NHSL1: variants seen among roughly 807,000 people sequenced by gnomAD.
The protein encoded by NHSL1 is NHS like 1, also known as NHS-like protein 1.
NHSL1 carries 48 observed loss-of-function variants against 95.0 expected under a neutral mutation model. That is an observed-to-expected ratio of 0.51 (90% CI 0.40 to 0.64). NHSL1 has a LOEUF of 0.64. Among genes scored for constraint, NHSL1 ranks in the 30% least tolerant of loss-of-function variants. The probability of loss-of-function intolerance (pLI) is 0.00; values close to 1 mark genes in which losing one functional copy is unlikely to be tolerated. For synonymous variants in NHSL1, 783 were observed against 833.9 expected, an observed-to-expected ratio of 0.94 and a Z score of 1.05; for missense variants, 1,971 against 2,077.7, an observed-to-expected ratio of 0.95 and a Z score of 1.00.
intron 1 of NHSL1, among the ~76,000 whole-genome samples, chr6:138,523,393 T>A (rs1015606644): frequency 5.3e-5 from 8 of 152,072 alleles, no homozygotes; most frequent in Non-Finnish European, 1.0e-4. Context: ...CACTATAGCC[T>A]CGAACTCCTG....
At chr6:138,571,707 C>T in intron 1 of NHSL1, 1 of 1,549,234 alleles carries the variant, frequency 6.5e-7, no homozygotes, top group Non-Finnish European at 8.7e-7. Flanking sequence ...AAAATCGAGT[C>T]ACCTTTTCTG....
At chr6:138,603,632 T>C (rs992289464) in intron 1 of NHSL1, among the ~76,000 whole-genome samples, 5 of 152,214 alleles carry the variant, frequency 3.3e-5, no homozygotes, top group Admixed American at 6.5e-5. Context: ...AAATTACCAC[T>C]ATAAATTATT....
intron 3 of NHSL1, chr6:138,464,235 T>C (rs1238712164): frequency 1.2e-5 from 10 of 826,120 alleles, no homozygotes; most frequent in Non-Finnish European, 1.7e-5. Flanking sequence ...AGCTTGGCCA[T>C]CACGGCCGGC....
At chr6:138,652,846 C>A (rs1323131862) in intron 1 of NHSL1, among the ~76,000 whole-genome samples, 1 of 152,160 alleles carries the variant, frequency 6.6e-6, no homozygotes, top group Non-Finnish European at 1.5e-5. Flanking sequence ...GCAGAATGTT[C>A]CATCACTTTT....
intron 1 of NHSL1, among the ~76,000 whole-genome samples, chr6:138,629,462 A>G (rs1241470744): frequency 6.7e-6 from 1 of 150,122 alleles, no homozygotes; most frequent in Non-Finnish European, 1.5e-5. Context: ...GGCTCACTGC[A>G]CCCTCCGCCT....
intron 3 of NHSL1, among the ~76,000 whole-genome samples, chr6:138,450,244 A>T (rs1777142636): frequency 6.6e-6 from 1 of 152,218 alleles, no homozygotes; most frequent in Non-Finnish European, 1.5e-5. Context: ...ATTTCATGGC[A>T]GTTTGTATAA....
intron 1 of NHSL1, among the ~76,000 whole-genome samples, chr6:138,507,857 G>C (rs746492133): frequency 1.3e-5 from 2 of 152,132 alleles, no homozygotes; most frequent in Non-Finnish European, 2.9e-5. Flanking sequence ...CATCAATTAT[G>C]GGGTTGGGGG....
intron 1 of NHSL1, among the ~76,000 whole-genome samples, chr6:138,544,126 A>G (rs1782690852): frequency 6.6e-6 from 1 of 152,192 alleles, no homozygotes; most frequent in Non-Finnish European, 1.5e-5. Context: ...TTCAATTAAA[A>G]ATTGTAAACC....
chr6:138,574,722 C>T (rs1393428171), upstream of NHSL1, among the ~76,000 whole-genome samples: 3 of 150,868 alleles, frequency 2.0e-5, no homozygotes, highest in Non-Finnish European at 2.9e-5. Flanking sequence ...CATGGTGGTA[C>T]TTGCCTGTGG....
chr6:138,644,768 A>G (rs988923074), intron 1 of NHSL1, among the ~76,000 whole-genome samples: 3 of 152,224 alleles, frequency 2.0e-5, no homozygotes, highest in Non-Finnish European at 4.4e-5. Context: ...AAAAGTTTCA[A>G]CTTAGTTTAT....
chr6:138,572,961 G>T (rs887539997), upstream of NHSL1, among the ~76,000 whole-genome samples: 6 of 152,046 alleles, frequency 3.9e-5, no homozygotes, highest in Admixed American at 6.5e-5. Context: ...AGAATATAAC[G>T]GACCCGGCTA....
chr6:138,560,630 A>G (rs1269147792), intron 1 of NHSL1, among the ~76,000 whole-genome samples: 2 of 152,242 alleles, frequency 1.3e-5, no homozygotes, highest in African/African-American at 4.8e-5. Context: ...TTATGTAAAT[A>G]AATAACTACC....
intron 1 of NHSL1, among the ~76,000 whole-genome samples, chr6:138,669,041 C>A (rs1023383231): frequency 1.3e-5 from 2 of 152,150 alleles, no homozygotes; most frequent in Non-Finnish European, 2.9e-5. Flanking sequence ...GTAAAACATT[C>A]CACACTTAAG....
chr6:138,467,596 G>A (rs1051244990), intron 3 of NHSL1, among the ~76,000 whole-genome samples: 2 of 152,160 alleles, frequency 1.3e-5, no homozygotes, highest in East Asian at 1.9e-4. Context: ...TTATTGCCCC[G>A]AGGAACTTCC....
chr6:138,576,085 G>A (rs990309899), upstream of NHSL1, among the ~76,000 whole-genome samples: 5 of 152,004 alleles, frequency 3.3e-5, no homozygotes, highest in South Asian at 2.1e-4. Flanking sequence ...TTCGCCTCCC[G>A]GGTTTAAGCG....
Position 138,429,864 on chromosome 6 carries a change from A to G in NHSL1, c.3953-21T>C, listed in dbSNP as rs907029162. The G allele has an allele frequency of 1.9e-6, 3 of 1,545,316 alleles. No individual in the cohort carries two copies. The Admixed American group carries it at 6.1e-5, about 31-fold the overall frequency. Reference sequence around the variant, plus strand: ...CCCAGCTACAGAAGAGCAGGCAGGCATACAAGACGCACAAGTGACTGGAAT... The same window carrying G: ...CCCAGCTACAGAAGAGCAGGCAGGCGTACAAGACGCACAAGTGACTGGAAT... On this transcript the variant is annotated intron_variant, in intron 6 of 7. Transcript: ENST00000343505.
chr6:138,432,217 G>C lies in NHSL1; in HGVS notation c.2128C>G (p.Leu710Val), dbSNP rs1176849885. 1.3e-6 allele frequency: 2 copies of C among 1,546,998 alleles called. No homozygotes were observed. Among genetic ancestry groups the C allele is most frequent in the Admixed American group, 3.9e-5 (2 of 50,700 alleles). Reference protein sequence around the residue: ...LIATLQHSLQLSLPGKSGSSP... With the variant: ...LIATLQHSLQVSLPGKSGSSP... ...CTGCCACTCTTGCCTGGGAGGCTCA[G>C]CTGCAGCGAGTGCTGGAGTGTGGCG... Residue 710 changes from leucine (L) to valine (V), a missense_variant, in exon 6 of 8, where the codon CTG (leucine) becomes GTG (valine). Physicochemically the swap from Leu to Val is conservative, Grantham distance 32. Coordinates refer to ENST00000343505, the MANE Select transcript of NHSL1 (RefSeq NM_001144060.2). This position sits in a 1 kb window ranked among gnomAD's most constrained non-coding sequence, Gnocchi z 4.4.
In NHSL1 at chr6:138,464,711, T is replaced by A. The variant is rs981209713; in HGVS notation, c.339+8595A>T. On this transcript the variant is annotated intron_variant, in intron 3 of 7. Coordinates refer to ENST00000343505, the MANE Select transcript of NHSL1 (RefSeq NM_001144060.2). ...TATTTTCTCTTCACTTTTTTTTTTC[T>A]TTTCTTTTTTTTTTTTTTTGAGACA... is the stretch of plus-strand genomic sequence containing the variant. 5.2e-5 allele frequency among the ~76,000 whole-genome samples: 7 copies of A among 135,698 alleles called. No individual in the cohort carries two copies. The East Asian group carries it at 1.5e-3, about 29-fold the overall frequency. 89.0% of individuals were successfully genotyped at this position (135,698 alleles called of 152,430 possible).
chr6:138,677,799 G>A (rs981594602), intron 1 of NHSL1, among the ~76,000 whole-genome samples: 17 of 152,162 alleles, frequency 1.1e-4, no homozygotes, highest in African/African-American at 3.9e-4. Flanking sequence ...TTTAGGTCAC[G>A]TCTGCTGGGC....
Sources: gnomAD v4.1 joint callset for allele counts (sites outside exome capture counted in the v4.1 genomes callset) on GRCh38, gnomAD v4.1.1 for gene constraint, Gnocchi (gnomAD v3.1) non-coding constraint, MANE v1.5 for transcripts, NCBI Gene and HGNC (gene_info 2026-07-23, HGNC 2026-07-21) for gene names.